The following ADAMTS16 variants were observed in gnomAD, a reference collection of about 807,000 sequenced individuals.
The protein encoded by ADAMTS16 is A disintegrin and metalloproteinase with thrombospondin motifs 16.
In ADAMTS16, 94 loss-of-function variants were observed where a neutral mutation model predicts 145.8. The ratio of observed to expected loss-of-function variants is 0.64; its 90% confidence interval spans 0.55 to 0.77. The LOEUF (loss-of-function observed/expected upper bound fraction) is 0.77. Ranked by LOEUF, ADAMTS16 falls within the 30% of genes least tolerant of loss-of-function variation. The pLI is 0.00. For missense variants in ADAMTS16, 1,585 were observed against 1,591.5 expected (o/e 1.00, Z 0.07); for synonymous variants, 659 against 604.3 (o/e 1.09, Z -1.33).
At chr5:5,220,697 C>T (rs943534961) in intron 10 of ADAMTS16, among the ~76,000 whole-genome samples, 1 of 152,036 alleles carries the variant, frequency 6.6e-6, no homozygotes, top group Non-Finnish European at 1.5e-5. Context: ...TACCTATAAC[C>T]ACTGCATTTA....
In ADAMTS16 at chr5:5,146,290, G is replaced by A. The variant is rs1181127563; in HGVS notation, c.336G>A (p.Leu112=). The change falls in exon 3 of 23, where the codon CTG becomes CTA. Residue 112 remains leucine, a synonymous_variant. Coordinates refer to ENST00000274181, the MANE Select transcript of ADAMTS16 (RefSeq NM_139056.4). Reference sequence around the variant, plus strand: ...CCAGGCACGACTTCCACATGGATCTGAGGACTTCCAGCAGCCTAGTGGCTC... The same window carrying A: ...CCAGGCACGACTTCCACATGGATCTAAGGACTTCCAGCAGCCTAGTGGCTC... ...KGSRHDFHMD[L]RTSSSLVAPG... 1 of 1,614,162 alleles carries A rather than the reference G, an allele frequency of 6.2e-7. No homozygotes were observed.
intron 2 of ADAMTS16, 31 bp from the exon 3 acceptor site, chr5:5,146,099 A>G (rs1734284811): frequency 6.3e-7 from 1 of 1,578,556 alleles, no homozygotes; most frequent in Non-Finnish European, 8.7e-7. Flanking sequence ...TTCCGAAATG[A>G]CTCAGCCTCT....
rs1735553108 is a variant in ADAMTS16, at chr5:5,187,930, A to G, written c.1047+122A>G. The G allele has an allele frequency of 8.1e-6, 5 of 618,604 alleles. No individual in the cohort carries two copies. In the East Asian group the frequency reaches 1.6e-4, roughly 19 times the overall value. 38.3% of individuals were successfully genotyped at this position (618,604 alleles called of 1,614,324 possible). On this transcript the variant is annotated intron_variant, in intron 6 of 22. Coordinates refer to ENST00000274181, the MANE Select transcript of ADAMTS16 (RefSeq NM_139056.4). ...CTCTCTCGAGGGCAAAATGTATTTA[A>G]TATTTTGTGTCTACTGCAAATGAGT...
intron 11 of ADAMTS16, among the ~76,000 whole-genome samples, chr5:5,228,043 A>G (rs1460524835): frequency 1.3e-5 from 2 of 152,236 alleles, no homozygotes; most frequent in African/African-American, 4.8e-5. Flanking sequence ...ATACTAATCA[A>G]TAGCTATTTG....
intron 12 of ADAMTS16, among the ~76,000 whole-genome samples, chr5:5,233,086 A>T (rs1475363311): frequency 6.6e-6 from 1 of 152,232 alleles, no homozygotes; most frequent in Non-Finnish European, 1.5e-5. Flanking sequence ...AATTTTAACC[A>T]CATTTACTTG....
In ADAMTS16 at chr5:5,186,301, G is replaced by GGGGTGTGTGT. The variant is rs368811446; in HGVS notation, c.963+51_963+52insGGTGTGTGTG. The GGGGTGTGTGT allele has an allele frequency of 5.8e-3, 5,736 of 986,864 alleles. 25 individuals carry two copies. The highest frequency in any genetic ancestry group is 0.031 in the African/African-American group (1,765 of 57,750). 61.1% of individuals were successfully genotyped at this position (986,864 alleles called of 1,614,324 possible). The stretch of plus-strand genomic sequence containing the variant: ...CCACCTGTGTCATTGCACTTCGTAG[G>GGGGTGTGTGT]GTGTGTGTGTGTGTGTGTGTGTGTG... On this transcript the variant is annotated intron_variant, in intron 5 of 22. Transcript: ENST00000274181.
intron 22 of ADAMTS16, 38 bp downstream of exon 22, chr5:5,318,319 G>A: frequency 7.3e-7 from 1 of 1,367,146 alleles, no homozygotes; most frequent in Non-Finnish European, 9.5e-7. Flanking sequence ...CCTGGGCATG[G>A]GGCTGGAATG....
At chr5:5,306,258 C>T (rs185773192) in intron 20 of ADAMTS16, among the ~76,000 whole-genome samples, 6 of 152,278 alleles carry the variant, frequency 3.9e-5, no homozygotes, top group African/African-American at 1.4e-4. Context: ...TAGAATTACT[C>T]CCTTCATGGT....
At chr5:5,230,639 T>G (rs1297259023) in intron 11 of ADAMTS16, among the ~76,000 whole-genome samples, 1 of 152,192 alleles carries the variant, frequency 6.6e-6, no homozygotes, top group African/African-American at 2.4e-5. Context: ...CTTTAAATCT[T>G]TCATTAAAAA....
rs369272938 is a variant in ADAMTS16, at chr5:5,146,273, G to C, written c.319G>C (p.Asp107His). The C allele has an allele frequency of 2.8e-5, 46 of 1,614,174 alleles. No homozygotes were observed. Among genetic ancestry groups the C allele is most frequent in the Non-Finnish European group, 3.6e-5 (43 of 1,180,036 alleles). ...LHLRLKGSRH[D>H]FHMDLRTSSS... Reference sequence around the variant, plus strand: ...CCTTCGGCTGAAAGGCTCCAGGCACGACTTCCACATGGATCTGAGGACTTC... The same window carrying C: ...CCTTCGGCTGAAAGGCTCCAGGCACCACTTCCACATGGATCTGAGGACTTC... Residue 107 changes from aspartate to histidine, a missense_variant, in exon 3 of 23, where the codon GAC becomes CAC. Around this residue, in one of 3 missense-constraint regions of ADAMTS16, gnomAD observed 453 missense variants for 412.1 expected, o/e 1.10. Transcript: ENST00000274181.
intron 3 of ADAMTS16, among the ~76,000 whole-genome samples, chr5:5,152,717 T>C (rs1398322948): frequency 6.6e-6 from 1 of 152,250 alleles, no homozygotes; most frequent in Non-Finnish European, 1.5e-5. Context: ...CAAATTTCAC[T>C]GTTCTGTTCA....
At chr5:5,232,972 C>T (rs912388675) in intron 12 of ADAMTS16, among the ~76,000 whole-genome samples, 2 of 152,234 alleles carry the variant, frequency 1.3e-5, no homozygotes, top group African/African-American at 4.8e-5. Flanking sequence ...AGGTATTTCA[C>T]TCAAGCATTT....
intron 3 of ADAMTS16, among the ~76,000 whole-genome samples, chr5:5,164,219 T>C (rs528183361): frequency 1.3e-5 from 2 of 152,318 alleles, no homozygotes; most frequent in South Asian, 4.1e-4. Flanking sequence ...AGTGAAAATA[T>C]CTCTGACCTT....
At chr5:5,236,203 C>G (rs554058896) in intron 13 of ADAMTS16, among the ~76,000 whole-genome samples, 1 of 152,200 alleles carries the variant, frequency 6.6e-6, no homozygotes, top group East Asian at 1.9e-4. Context: ...TCAGTTGGGC[C>G]TCTTATCTTG....
intron 11 of ADAMTS16, among the ~76,000 whole-genome samples, chr5:5,226,072 G>A (rs1272480819): frequency 1.3e-5 from 2 of 152,152 alleles, no homozygotes; most frequent in Non-Finnish European, 2.9e-5. Flanking sequence ...TCTCTATTTA[G>A]AATCAAAATG....
chr5:5,166,160 G>T (rs534035517), intron 3 of ADAMTS16, among the ~76,000 whole-genome samples: 12 of 152,120 alleles, frequency 7.9e-5, no homozygotes, highest in South Asian at 4.2e-4. Context: ...CTGTGAAATA[G>T]TTATGGATTT....
chr5:5,274,872 C>G (rs1476639139), intron 18 of ADAMTS16, among the ~76,000 whole-genome samples: 1 of 152,116 alleles, frequency 6.6e-6, no homozygotes, highest in Non-Finnish European at 1.5e-5. Context: ...TTTTTCATTT[C>G]TGTTTTCTGG....
chr5:5,299,513 A>C (rs1263833309), intron 18 of ADAMTS16, among the ~76,000 whole-genome samples: 6 of 67,728 alleles, frequency 8.9e-5, no homozygotes, highest in Non-Finnish European at 1.9e-4. Flanking sequence ...ATGTCATTTT[A>C]ATTTTTTTTT....
chr5:5,193,956 G>A (rs995438373), intron 8 of ADAMTS16, among the ~76,000 whole-genome samples: 1 of 151,884 alleles, frequency 6.6e-6, no homozygotes, highest in African/African-American at 2.4e-5. Flanking sequence ...TAAAAAATTA[G>A]CCAGGCATGG....
Sources: gnomAD v4.1 joint callset for allele counts (sites outside exome capture counted in the v4.1 genomes callset) on GRCh38, gnomAD v4.1.1 for gene constraint, gnomAD v4.1.1 regional missense constraint, MANE v1.5 for transcripts, NCBI Gene and HGNC (gene_info 2026-07-23, HGNC 2026-07-21) for gene names.